The following OPCML variants were observed in gnomAD, a reference collection of about 807,000 sequenced individuals.
The protein encoded by OPCML is opioid binding protein/cell adhesion molecule like, also known as opioid-binding protein/cell adhesion molecule.
A neutral mutation model predicts 37.8 loss-of-function variants in OPCML; 13 were observed. That is an observed-to-expected ratio of 0.34 (90% CI 0.22 to 0.55). OPCML has a LOEUF of 0.55. OPCML is among the 20% of genes least tolerant of loss of function. OPCML has a pLI of 0.91. For synonymous variants in OPCML, 176 were observed against 168.8 expected, an observed-to-expected ratio of 1.04 and a Z score of -0.33; for missense variants, 341 against 435.6, an observed-to-expected ratio of 0.78 and a Z score of 1.93.
chr11:133,167,516 G>A (rs888791112), intron 1 of OPCML, among the ~76,000 whole-genome samples: 1 of 141,154 alleles, frequency 7.1e-6, no homozygotes, highest in African/African-American at 2.6e-5. Context: ...TCTTGTGCCA[G>A]CTTTCTTTCT....
chr11:133,183,765 G>T (rs1437126244), intron 1 of OPCML, among the ~76,000 whole-genome samples: 1 of 152,182 alleles, frequency 6.6e-6, no homozygotes, highest in Non-Finnish European at 1.5e-5. Flanking sequence ...ACAAGTAAAA[G>T]ACAGTATGGT....
intron 3 of OPCML, among the ~76,000 whole-genome samples, chr11:132,636,534 C>T (rs1465653079): frequency 6.6e-6 from 1 of 152,190 alleles, no homozygotes; most frequent in Non-Finnish European, 1.5e-5. Flanking sequence ...TATGTCCAAG[C>T]GAATAAGCCT....
intron 1 of OPCML, among the ~76,000 whole-genome samples, chr11:133,350,506 C>T (rs6590689): frequency 0.45 from 67,762 of 151,870 alleles, 15,456 homozygotes; most frequent in East Asian, 0.57. Context: ...AATGGAGATC[C>T]CAATGTGAAG....
At chr11:132,434,319 G>T (rs780182897) in intron 7 of OPCML, among the ~76,000 whole-genome samples, 1 of 152,322 alleles carries the variant, frequency 6.6e-6, no homozygotes, top group Non-Finnish European at 1.5e-5. Context: ...CTTTGCATGT[G>T]AATGAGATTG....
chr11:132,695,971 CAG>C (rs1003409515), intron 2 of OPCML, among the ~76,000 whole-genome samples: 1 of 152,140 alleles, frequency 6.6e-6, no homozygotes, highest in African/African-American at 2.4e-5. Context: ...GGGCCAACAA[CAG>C]AGGATGAAAT....
At chr11:132,437,485 G>A in intron 4 of OPCML, 126 bp from the exon 5 acceptor site, 14 of 1,492,496 alleles carry the variant, frequency 9.4e-6, no homozygotes, top group Non-Finnish European at 1.2e-5. Context: ...AGGACATCAA[G>A]TCAAAGACAT....
At chr11:133,273,818 T>C (rs1377172169) in intron 1 of OPCML, among the ~76,000 whole-genome samples, 1 of 152,148 alleles carries the variant, frequency 6.6e-6, no homozygotes, top group Non-Finnish European at 1.5e-5. Context: ...ATGTCCGTCA[T>C]TATCAATGGA....
At chr11:132,833,916 G>C (rs1211772612) in intron 2 of OPCML, among the ~76,000 whole-genome samples, 1 of 152,142 alleles carries the variant, frequency 6.6e-6, no homozygotes, top group Non-Finnish European at 1.5e-5. Context: ...GAGAAATGAA[G>C]TATGCAATAG....
intron 3 of OPCML, among the ~76,000 whole-genome samples, chr11:132,599,335 GAGGAGGAGGAGGA>G (rs1937667756): frequency 1.6e-4 from 24 of 149,428 alleles, no homozygotes; most frequent in Admixed American, 1.6e-3. Flanking sequence ...GAAGAAGGAG[GAGGAGGAGGAGGA>G]AGAAGGAGGA....
intron 1 of OPCML, among the ~76,000 whole-genome samples, chr11:133,052,746 C>T (rs1379253934): frequency 6.6e-6 from 1 of 152,162 alleles, no homozygotes; most frequent in Non-Finnish European, 1.5e-5. Flanking sequence ...CCACATGAGA[C>T]TTTGACTCCT....
chr11:133,524,346 A>G (rs548592672), intron 1 of OPCML, among the ~76,000 whole-genome samples: 3 of 152,310 alleles, frequency 2.0e-5, no homozygotes, highest in South Asian at 4.1e-4. Flanking sequence ...CCATATGAAC[A>G]TCAACCCGTT....
intron 1 of OPCML, among the ~76,000 whole-genome samples, chr11:132,949,346 T>C (rs73026204): frequency 3.3e-5 from 5 of 152,196 alleles, no homozygotes; most frequent in Middle Eastern, 3.2e-3. Context: ...ACTGAAGAGA[T>C]GCATCCTGTA....
At chr11:133,426,999 T>A (rs950720698) in intron 1 of OPCML, among the ~76,000 whole-genome samples, 3 of 152,280 alleles carry the variant, frequency 2.0e-5, no homozygotes, top group African/African-American at 7.2e-5. Flanking sequence ...GCAAACAAAC[T>A]GTTGGCAGTA....
chr11:132,813,000 G>A (rs965249052), intron 2 of OPCML, among the ~76,000 whole-genome samples: 4 of 152,094 alleles, frequency 2.6e-5, no homozygotes, highest in Non-Finnish European at 5.9e-5. Context: ...AAAACACTGA[G>A]CAGTTCTGTA....
intron 4 of OPCML, among the ~76,000 whole-genome samples, chr11:132,496,199 C>T (rs1479371371): frequency 6.6e-6 from 1 of 152,128 alleles, no homozygotes; most frequent in African/African-American, 2.4e-5. Context: ...ACCAGGCTGT[C>T]CTCCCTCTCT....
At position 133,338,643 on chromosome 11, in the gene OPCML, G is replaced by A. The variant is rs568253751; in HGVS notation, c.61+193621C>T. On this transcript the variant is annotated intron_variant, in intron 1 of 7. Coordinates refer to ENST00000524381, the MANE Select transcript of OPCML (RefSeq NM_001012393.5). The stretch of plus-strand genomic sequence containing the variant: ...CTGTTAGGGCTGAAGTCTCTAGGGC[G>A]GGTTGAAATGATGGAGAGAAAGCTC... Among the ~76,000 whole-genome samples, 6 of 152,288 alleles carry A rather than the reference G, an allele frequency of 3.9e-5. No homozygotes were observed. The East Asian group carries it at 7.7e-4, about 20-fold the overall frequency.
intron 1 of OPCML, among the ~76,000 whole-genome samples, chr11:133,436,250 C>T (rs12795630): frequency 0.14 from 21,711 of 152,040 alleles, 1,764 homozygotes; most frequent in African/African-American, 0.21. Flanking sequence ...AACCTAGGAA[C>T]TGTTTGTTAC....
intron 7 of OPCML, among the ~76,000 whole-genome samples, chr11:132,435,525 G>A (rs1337068162): frequency 3.9e-5 from 6 of 152,212 alleles, no homozygotes; most frequent in Admixed American, 6.5e-5. Flanking sequence ...GGCTTTAAAG[G>A]AGGTCAGTCC....
At chr11:133,408,693 T>C (rs1329731569) in intron 1 of OPCML, among the ~76,000 whole-genome samples, 16 of 151,914 alleles carry the variant, frequency 1.1e-4, no homozygotes, top group Admixed American at 9.2e-4. Flanking sequence ...ATCCACCTAA[T>C]ATGCACAGCT....
Sources: allele counts gnomAD v4.1 joint callset (sites outside exome capture counted in the v4.1 genomes callset), GRCh38; gene constraint gnomAD v4.1.1; transcripts MANE v1.5; gene names NCBI Gene and HGNC (gene_info 2026-07-23, HGNC 2026-07-21).